Variants in C12orf54 observed in about 807,000 individuals in gnomAD.
C12orf54 encodes the protein chromosome 12 open reading frame 54.
Under a neutral mutation model 26.4 loss-of-function variants are expected in C12orf54, and 24 were observed. The observed-to-expected ratio is 0.91, with a 90% CI of 0.66 to 1.28. The LOEUF (loss-of-function observed/expected upper bound fraction) is 1.28, where lower values mean the gene tolerates loss of function less well. Ranked by LOEUF, C12orf54 falls within the 50% of genes most tolerant of loss-of-function variation. The pLI is 0.00. For missense variants in C12orf54, 154 were observed against 150.9 expected (o/e 1.02, Z -0.11); for synonymous variants, 54 against 47.0 (o/e 1.15, Z -0.61).
chr12:48,465,211 A>G, the C12orf54 span, among the ~76,000 whole-genome samples: 1 of 152,204 alleles, frequency 6.6e-6, no homozygotes, highest in African/African-American at 2.4e-5. Flanking sequence ...ACTTAAACAA[A>G]TTTACAAGAA....
intron 4 of C12orf54, among the ~76,000 whole-genome samples, chr12:48,487,132 A>AAG (rs1244042338): frequency 6.6e-6 from 1 of 152,208 alleles, no homozygotes; most frequent in Non-Finnish European, 1.5e-5. Context: ...AGAAGCTAGT[A>AAG]ATGCCCATAA....
chr12:48,470,096 T>C, the C12orf54 span, among the ~76,000 whole-genome samples: 2 of 152,240 alleles, frequency 1.3e-5, no homozygotes, highest in Non-Finnish European at 2.9e-5. Context: ...GTCTAACCAT[T>C]GATGAGCACC....
the C12orf54 span, among the ~76,000 whole-genome samples, chr12:48,421,492 CA>C: frequency 1.8e-4 from 25 of 139,992 alleles, no homozygotes; most frequent in East Asian, 5.9e-3. Context: ...GACACAGATC[CA>C]AACCATCCAT....
chr12:48,447,500 T>A, the C12orf54 span, among the ~76,000 whole-genome samples: 1 of 152,336 alleles, frequency 6.6e-6, no homozygotes, highest in African/African-American at 2.4e-5. Flanking sequence ...TCAGAAGCCT[T>A]GCTCCTCCAG....
At chr12:48,430,517 A>G in the C12orf54 span, among the ~76,000 whole-genome samples, 1 of 152,246 alleles carries the variant, frequency 6.6e-6, no homozygotes, top group Non-Finnish European at 1.5e-5. Flanking sequence ...TCTCAAAAGA[A>G]GATATACAAA....
intron 4 of C12orf54, among the ~76,000 whole-genome samples, chr12:48,487,101 A>G (rs1208167372): frequency 6.6e-6 from 1 of 152,240 alleles, no homozygotes; most frequent in South Asian, 2.1e-4. Context: ...TTCACTTTAT[A>G]GTTGAAGGGT....
At chr12:48,438,308 C>G in the C12orf54 span, among the ~76,000 whole-genome samples, 2 of 152,162 alleles carry the variant, frequency 1.3e-5, no homozygotes, top group South Asian at 4.1e-4. Flanking sequence ...GAATCAATAT[C>G]GTGAAAATGG....
At chr12:48,473,820 G>T in the C12orf54 span, among the ~76,000 whole-genome samples, 1 of 152,178 alleles carries the variant, frequency 6.6e-6, no homozygotes, top group African/African-American at 2.4e-5. Flanking sequence ...ACCCAGAAGG[G>T]TCTGAGCACC....
chr12:48,450,472 A>G, the C12orf54 span, among the ~76,000 whole-genome samples: 1 of 152,206 alleles, frequency 6.6e-6, no homozygotes, highest in Non-Finnish European at 1.5e-5. Context: ...GAACACAAGA[A>G]ATAGCCAAGA....
chr12:48,432,783 C>A, the C12orf54 span, among the ~76,000 whole-genome samples: 19,420 of 151,720 alleles, frequency 0.13, 2,557 homozygotes, highest in East Asian at 0.66. Context: ...GCAGGAAAAT[C>A]GCTTGAACTC....
the C12orf54 span, chr12:48,472,816 A>T: frequency 5.6e-5 from 90 of 1,614,084 alleles, no homozygotes; most frequent in Middle Eastern, 1.6e-4. Flanking sequence ...AATACAATCA[A>T]CATAGGCCTC....
intron 6 of C12orf54, among the ~76,000 whole-genome samples, chr12:48,491,216 A>G (rs1937782612): frequency 6.6e-6 from 1 of 152,218 alleles, no homozygotes; most frequent in South Asian, 2.1e-4. Context: ...ATCCTAGATC[A>G]AGGTGCCAAC....
At chr12:48,469,293 C>G in the C12orf54 span, among the ~76,000 whole-genome samples, 2 of 152,306 alleles carry the variant, frequency 1.3e-5, no homozygotes, top group Non-Finnish European at 1.5e-5. Context: ...ACTCCCAGAG[C>G]GGCCATTTTA....
the C12orf54 span, among the ~76,000 whole-genome samples, chr12:48,464,437 T>C: frequency 8.5e-5 from 13 of 152,168 alleles, no homozygotes; most frequent in African/African-American, 3.1e-4. Context: ...CACCAACAAA[T>C]GGAAAAACAT....
the C12orf54 span, among the ~76,000 whole-genome samples, chr12:48,464,180 A>G: frequency 6.6e-6 from 1 of 152,158 alleles, no homozygotes; most frequent in Admixed American, 6.5e-5. Context: ...AGAAAACCCT[A>G]TAGTCTTGGC....
At chr12:48,483,487 G>A in intron 2 of C12orf54, 126 bp downstream of exon 2, 2 of 753,232 alleles carry the variant, frequency 2.7e-6, no homozygotes, top group Non-Finnish European at 4.3e-6. Context: ...GAATAAGATG[G>A]GGACTTTCAT....
intron 2 of C12orf54, among the ~76,000 whole-genome samples, chr12:48,483,703 G>T (rs866249089): frequency 6.6e-6 from 1 of 152,058 alleles, no homozygotes; most frequent in African/African-American, 2.4e-5. Flanking sequence ...CTAAAATCAA[G>T]CTTCTCTTGG....
the C12orf54 span, among the ~76,000 whole-genome samples, chr12:48,433,990 G>A: frequency 2.6e-5 from 4 of 152,268 alleles, no homozygotes; most frequent in East Asian, 5.8e-4. Flanking sequence ...AAGCATAAGG[G>A]GTCAGGGAAT....
At chr12:48,483,111 C>G in intron 1 of C12orf54, 129 bp from the exon 2 acceptor site, 1 of 589,212 alleles carries the variant, frequency 1.7e-6, no homozygotes, top group Non-Finnish European at 3.0e-6. Context: ...CAAGCACACA[C>G]ATGCACATGC....
Sources: gnomAD v4.1 joint callset for allele counts (sites outside exome capture counted in the v4.1 genomes callset) on GRCh38, gnomAD v4.1.1 for gene constraint, MANE v1.5 for transcripts, NCBI Gene and HGNC (gene_info 2026-07-23, HGNC 2026-07-21) for gene names.